The following SCHIP1 variants were observed in gnomAD, a reference collection of about 807,000 sequenced individuals.
SCHIP1 encodes the protein schwannomin-interacting protein 1.
A neutral mutation model predicts 29.7 loss-of-function variants in SCHIP1; 8 were observed. The observed-to-expected ratio is 0.27, with a 90% CI of 0.16 to 0.49. The LOEUF (loss-of-function observed/expected upper bound fraction) is 0.49. Ranked by LOEUF, SCHIP1 falls within the 20% of genes least tolerant of loss-of-function variation. SCHIP1 has a pLI of 0.99. For missense variants in SCHIP1, 193 were observed against 294.6 expected, an observed-to-expected ratio of 0.66 and a Z score of 2.52; for synonymous variants, 76 against 94.9, an observed-to-expected ratio of 0.80 and a Z score of 1.16.
the SCHIP1 span, among the ~76,000 whole-genome samples, chr3:159,824,959 A>T: frequency 6.6e-6 from 1 of 152,144 alleles, no homozygotes; most frequent in Non-Finnish European, 1.5e-5. Context: ...ATTTAAAAGT[A>T]TGTCTTTCAA....
the SCHIP1 span, among the ~76,000 whole-genome samples, chr3:159,699,498 C>T: frequency 6.6e-6 from 1 of 152,046 alleles, no homozygotes; most frequent in Admixed American, 6.6e-5. Context: ...GGATGTTTAC[C>T]CACAAAATGC....
chr3:159,709,885 C>A, the SCHIP1 span, among the ~76,000 whole-genome samples: 1 of 152,048 alleles, frequency 6.6e-6, no homozygotes, highest in South Asian at 2.1e-4. Flanking sequence ...AAACATAGTA[C>A]AATAAAAATT....
At chr3:159,892,052 G>A (rs1306257127) in intron 5 of SCHIP1, 45 bp from the exon 7 acceptor site, 9 of 1,590,306 alleles carry the variant, frequency 5.7e-6, no homozygotes, top group Non-Finnish European at 7.7e-6. Context: ...ATTCTGACTT[G>A]GAGGCAGTTT....
At chr3:159,581,472 G>A in the SCHIP1 span, among the ~76,000 whole-genome samples, 41 of 152,232 alleles carry the variant, frequency 2.7e-4, no homozygotes, top group African/African-American at 8.9e-4. Context: ...ATGCCCACCC[G>A]CGCCAGCAAA....
chr3:159,492,813 G>C, the SCHIP1 span, among the ~76,000 whole-genome samples: 2 of 152,098 alleles, frequency 1.3e-5, no homozygotes, highest in African/African-American at 4.8e-5. Context: ...ATTCACCAAA[G>C]TTGAAATGAA....
chr3:159,578,741 GTGTC>G, the SCHIP1 span, among the ~76,000 whole-genome samples: 9,398 of 151,666 alleles, frequency 0.062, 800 homozygotes, highest in African/African-American at 0.19. Context: ...CTCTGTCTCT[GTGTC>G]TGTCTGTCTC....
the SCHIP1 span, among the ~76,000 whole-genome samples, chr3:159,566,613 TAAG>T: frequency 1.2e-4 from 18 of 152,076 alleles, no homozygotes; most frequent in South Asian, 6.2e-4. Flanking sequence ...TGGAAAGGAA[TAAG>T]AAGATGTCTA....
the SCHIP1 span, among the ~76,000 whole-genome samples, chr3:159,495,924 C>T: frequency 6.6e-6 from 1 of 152,116 alleles, no homozygotes; most frequent in Non-Finnish European, 1.5e-5. Flanking sequence ...CAATGGAATA[C>T]AACAGAGCCC....
chr3:159,461,947 T>TG, the SCHIP1 span, among the ~76,000 whole-genome samples: 1 of 152,150 alleles, frequency 6.6e-6, no homozygotes, highest in African/African-American at 2.4e-5. Flanking sequence ...TGATGGCTCA[T>TG]GCCTGTAATC....
At chr3:159,626,178 ATC>A in the SCHIP1 span, among the ~76,000 whole-genome samples, 2 of 117,090 alleles carry the variant, frequency 1.7e-5, no homozygotes, top group Admixed American at 7.8e-5. Flanking sequence ...ATATCTATCT[ATC>A]TAGATAGATA....
At chr3:159,705,529 TAG>T in the SCHIP1 span, among the ~76,000 whole-genome samples, 2 of 151,632 alleles carry the variant, frequency 1.3e-5, no homozygotes, top group Non-Finnish European at 2.9e-5. Flanking sequence ...GTGACAGATA[TAG>T]AGAGAGAACA....
At chr3:159,418,079 ATT>A in the SCHIP1 span, among the ~76,000 whole-genome samples, 1 of 152,182 alleles carries the variant, frequency 6.6e-6, no homozygotes, top group African/African-American at 2.4e-5. Flanking sequence ...GTTGGTAGTT[ATT>A]TGTTAAGCAA....
At chr3:159,359,094 A>AT in the SCHIP1 span, among the ~76,000 whole-genome samples, 1 of 151,438 alleles carries the variant, frequency 6.6e-6, no homozygotes, top group East Asian at 1.9e-4. Context: ...TGCCCAGCTA[A>AT]TTTTTTGTAT....
the SCHIP1 span, among the ~76,000 whole-genome samples, chr3:159,467,449 G>A: frequency 6.6e-6 from 1 of 151,034 alleles, no homozygotes; most frequent in African/African-American, 2.4e-5. Context: ...TTGGTATTTA[G>A]AACCAGAAAT....
chr3:159,458,567 T>C, the SCHIP1 span, among the ~76,000 whole-genome samples: 1 of 151,660 alleles, frequency 6.6e-6, no homozygotes. Context: ...GACTTTTCTT[T>C]TTTTTTTTTT....
the SCHIP1 span, among the ~76,000 whole-genome samples, chr3:159,436,369 TGA>T: frequency 6.6e-6 from 1 of 152,230 alleles, no homozygotes; most frequent in Admixed American, 6.6e-5. Context: ...ATCTGTAAAA[TGA>T]GATAATACCT....
At chr3:159,401,391 G>C in the SCHIP1 span, 2 of 966,996 alleles carry the variant, frequency 2.1e-6, no homozygotes, top group Non-Finnish European at 2.5e-6. Context: ...ACATCTATTT[G>C]TTGAATTAAA....
the SCHIP1 span, among the ~76,000 whole-genome samples, chr3:159,310,949 T>A: frequency 6.6e-6 from 1 of 152,154 alleles, no homozygotes; most frequent in Non-Finnish European, 1.5e-5. Context: ...AGGGTTTGGA[T>A]GATTGTGGAG....
the SCHIP1 span, among the ~76,000 whole-genome samples, chr3:159,402,466 A>T: frequency 6.6e-6 from 1 of 152,224 alleles, no homozygotes; most frequent in Non-Finnish European, 1.5e-5. Flanking sequence ...ATGCTGCTAT[A>T]AAGACATATG....
Sources: gnomAD v4.1 joint callset for allele counts (sites outside exome capture counted in the v4.1 genomes callset) on GRCh38, gnomAD v4.1.1 for gene constraint, MANE v1.5 for transcripts, NCBI Gene and HGNC (gene_info 2026-07-23, HGNC 2026-07-21) for gene names.